Variants in SGCD observed in about 807,000 individuals in gnomAD.
SGCD encodes sarcoglycan delta.
SGCD carries 18 observed loss-of-function variants against 36.6 expected under a neutral mutation model. That is an observed-to-expected ratio of 0.49 (90% CI 0.34 to 0.73). The LOEUF (loss-of-function observed/expected upper bound fraction) is 0.73. SGCD is among the 30% of genes least tolerant of loss of function. The pLI, the probability that SGCD is intolerant of heterozygous loss-of-function variation, is 0.01. For synonymous variants in SGCD, 133 were observed against 130.6 expected, an observed-to-expected ratio of 1.02 and a Z score of -0.12; for missense variants, 387 against 346.7, an observed-to-expected ratio of 1.12 and a Z score of -0.92.
At position 155,908,079 on chromosome 5, in the gene SGCD, C is replaced by T. The variant is rs374566492; in HGVS notation, c.-282+37655C>T. Among the ~76,000 whole-genome samples the T allele has an allele frequency of 5.8e-4, 88 of 152,176 alleles. 1 individual carries two copies. In the East Asian group the frequency reaches 6.6e-3, roughly 11 times the overall value. ...TGCCAGCAAAAAGATTGCAAGTCAC[C>T]GAAGGCTCAGATGATCATTAGCAAT... On this transcript the variant is annotated intron_variant, in intron 1 of 9. Coordinates refer to the SGCD transcript ENST00000517913.
At chr5:156,207,241 C>T (rs370545237) in intron 3 of SGCD, among the ~76,000 whole-genome samples, 4 of 152,004 alleles carry the variant, frequency 2.6e-5, no homozygotes, top group African/African-American at 4.8e-5. Context: ...ACTTGTGACT[C>T]GGTCAATATA....
At chr5:156,516,776 C>T (rs1010522669) in intron 4 of SGCD, among the ~76,000 whole-genome samples, 1 of 152,144 alleles carries the variant, frequency 6.6e-6, no homozygotes, top group African/African-American at 2.4e-5. Context: ...GCACATGGAT[C>T]ACCTGAGGTC....
At chr5:155,804,259 A>G in the SGCD span, among the ~76,000 whole-genome samples, 1 of 152,360 alleles carries the variant, frequency 6.6e-6, no homozygotes, top group African/African-American at 2.4e-5. Context: ...AAAGCAGTGA[A>G]GAGGATAATA....
intron 3 of SGCD, among the ~76,000 whole-genome samples, chr5:156,449,928 T>C (rs1034021404): frequency 5.9e-5 from 9 of 151,758 alleles, no homozygotes; most frequent in Admixed American, 3.3e-4. Context: ...CAACTCTGTG[T>C]GTGCATATTT....
chr5:156,753,853 A>C (rs1757242966), intron 7 of SGCD, among the ~76,000 whole-genome samples: 1 of 152,178 alleles, frequency 6.6e-6, no homozygotes, highest in Non-Finnish European at 1.5e-5. Context: ...TGGGAACTAC[A>C]ATTCAAGATG....
intron 3 of SGCD, among the ~76,000 whole-genome samples, chr5:156,389,906 A>ACACC (rs1771475214): frequency 6.6e-6 from 1 of 151,378 alleles, no homozygotes; most frequent in Non-Finnish European, 1.5e-5. Flanking sequence ...ATTATGTTAC[A>ACACC]CACACACACA....
At position 156,109,040 on chromosome 5, in the gene SGCD, A is replaced by G. The variant is rs1761719376; in HGVS notation, c.-281-8838A>G. Among the ~76,000 whole-genome samples, 12 of 152,290 alleles carry G rather than the reference A, an allele frequency of 7.9e-5. 1 individual carries two copies. The South Asian group carries it at 2.5e-3, about 32-fold the overall frequency. On this transcript the variant is annotated intron_variant, in intron 1 of 9. Transcript: ENST00000517913. ...TAAGCCCTATTTTAGAGCATTTGTC[A>G]ATGTTCATGGTGTGAGTATTCCCAA...
rs1311676580 is a variant in SGCD at position 156,202,577 on chromosome 5, C to G, written c.-44+78558C>G. ...CTGGAAGAGACAGTCAAAGTCTCTT[C>G]TAAAGCATTTCATTTAGAGAAAAGT... On this transcript the variant is annotated intron_variant, in intron 3 of 9. Transcript: ENST00000517913. Among the ~76,000 whole-genome samples, 4 of 152,056 alleles carry G rather than the reference C, an allele frequency of 2.6e-5. No individual in the cohort carries two copies. In the East Asian group the frequency reaches 7.7e-4, roughly 29 times the overall value.
At chr5:155,868,314 A>T (rs1755565442), upstream of SGCD, among the ~76,000 whole-genome samples, 1 of 150,964 alleles carries the variant, frequency 6.6e-6, no homozygotes, top group Non-Finnish European at 1.5e-5. Context: ...AGCCTCCAAA[A>T]GTGCTGGGAT....
chr5:156,177,289 C>T (rs1032885650), intron 3 of SGCD, among the ~76,000 whole-genome samples: 9 of 152,070 alleles, frequency 5.9e-5, no homozygotes, highest in Non-Finnish European at 1.0e-4. Context: ...TGTGAGCCAC[C>T]GTGCCTGGCC....
intron 1 of SGCD, among the ~76,000 whole-genome samples, chr5:156,033,427 T>G: frequency 6.6e-6 from 1 of 152,138 alleles, no homozygotes; most frequent in East Asian, 1.9e-4. Flanking sequence ...GTCTATTGTT[T>G]CCTTCTATAT....
At chr5:156,566,988 G>A (rs998204122) in intron 4 of SGCD, among the ~76,000 whole-genome samples, 6 of 152,090 alleles carry the variant, frequency 3.9e-5, no homozygotes, top group Admixed American at 2.6e-4. Flanking sequence ...GAACAGCTTA[G>A]CTGTTAGAAA....
intron 1 of SGCD, among the ~76,000 whole-genome samples, chr5:156,024,454 G>A (rs892659104): frequency 6.6e-6 from 1 of 151,894 alleles, no homozygotes; most frequent in Admixed American, 6.6e-5. Context: ...TTCCAACCTA[G>A]TTGTCTGGCC....
intron 6 of SGCD, among the ~76,000 whole-genome samples, chr5:156,630,814 G>A (rs1411357360): frequency 6.6e-6 from 1 of 152,112 alleles, no homozygotes; most frequent in Non-Finnish European, 1.5e-5. Context: ...AGGCCCAAAT[G>A]GCTCTGGACG....
intron 1 of SGCD, among the ~76,000 whole-genome samples, chr5:155,881,080 A>G (rs1755871919): frequency 1.3e-5 from 2 of 152,126 alleles, no homozygotes; most frequent in East Asian, 3.9e-4. Flanking sequence ...TTTAGAAATC[A>G]GGTCACTGAG....
intron 1 of SGCD, among the ~76,000 whole-genome samples, chr5:156,097,880 C>T (rs1251790542): frequency 1.3e-5 from 2 of 152,270 alleles, no homozygotes; most frequent in Admixed American, 6.5e-5. Context: ...ACTTTCAGCA[C>T]GTAAGTATTG....
intron 3 of SGCD, among the ~76,000 whole-genome samples, chr5:156,164,066 T>A (rs58716367): frequency 0.045 from 6,700 of 150,274 alleles, 512 homozygotes; most frequent in African/African-American, 0.12. Context: ...TTTCTGCACG[T>A]CTGAACTTTG....
At chr5:156,046,596 G>A (rs1297432267) in intron 1 of SGCD, among the ~76,000 whole-genome samples, 3 of 152,066 alleles carry the variant, frequency 2.0e-5, no homozygotes, top group African/African-American at 7.2e-5. Flanking sequence ...GATCTTTGAT[G>A]TTACTATTGT....
intron 2 of SGCD, among the ~76,000 whole-genome samples, chr5:156,338,232 G>C (rs1420781613): frequency 6.6e-6 from 1 of 152,170 alleles, no homozygotes; most frequent in Non-Finnish European, 1.5e-5. Flanking sequence ...AATTGGTAAT[G>C]TAGATACTGT....
Sources: gnomAD v4.1 joint callset for allele counts (sites outside exome capture counted in the v4.1 genomes callset) on GRCh38, gnomAD v4.1.1 for gene constraint, MANE v1.5 for transcripts, NCBI Gene and HGNC (gene_info 2026-07-23, HGNC 2026-07-21) for gene names.